Variants in QTMAN observed in about 807,000 individuals in gnomAD.
QTMAN encodes the protein queuosine-tRNA mannosyltransferase.
chr2:144,025,895 T>C, the QTMAN span, among the ~76,000 whole-genome samples: 2 of 152,190 alleles, frequency 1.3e-5, no homozygotes, highest in Non-Finnish European at 2.9e-5. Context: ...AACCGGTCTA[T>C]TGAACAGGTT....
the QTMAN span, among the ~76,000 whole-genome samples, chr2:144,325,476 T>C: frequency 6.8e-6 from 1 of 147,212 alleles, no homozygotes; most frequent in Non-Finnish European, 1.5e-5. Flanking sequence ...AGAATCACAA[T>C]CTCGTAAGCA....
the QTMAN span, among the ~76,000 whole-genome samples, chr2:144,274,044 G>T: frequency 6.6e-6 from 1 of 152,138 alleles, no homozygotes; most frequent in Admixed American, 6.5e-5. Flanking sequence ...TGAGGCAGGA[G>T]AATCGCTTGA....
At chr2:143,942,165 A>G in the QTMAN span, 4 of 167,148 alleles carry the variant, frequency 2.4e-5, no homozygotes. Flanking sequence ...AGAATCACCA[A>G]TTCCTTCTGT....
chr2:144,304,910 T>C, the QTMAN span, among the ~76,000 whole-genome samples: 3 of 152,328 alleles, frequency 2.0e-5, no homozygotes, highest in South Asian at 2.1e-4. Flanking sequence ...CTACTGTCTG[T>C]TGGAAAATTT....
chr2:144,182,187 T>C, the QTMAN span, among the ~76,000 whole-genome samples: 33 of 152,236 alleles, frequency 2.2e-4, no homozygotes, highest in Non-Finnish European at 2.9e-4. Flanking sequence ...CAGACTTAAA[T>C]TGACTACATG....
the QTMAN span, among the ~76,000 whole-genome samples, chr2:143,969,470 T>C: frequency 6.6e-6 from 1 of 152,220 alleles, no homozygotes; most frequent in Non-Finnish European, 1.5e-5. Context: ...GGCTTTGGGG[T>C]ACAATGATGA....
the QTMAN span, among the ~76,000 whole-genome samples, chr2:144,301,321 C>T: frequency 6.6e-6 from 1 of 152,186 alleles, no homozygotes; most frequent in East Asian, 1.9e-4. Flanking sequence ...TTCCCAGATG[C>T]AAGTGATTCT....
chr2:144,271,201 T>C, the QTMAN span, among the ~76,000 whole-genome samples: 2 of 152,242 alleles, frequency 1.3e-5, no homozygotes, highest in East Asian at 3.8e-4. Context: ...AAGTTTGGTC[T>C]ATTCCTCAAA....
chr2:143,994,168 T>C, the QTMAN span, among the ~76,000 whole-genome samples: 1 of 152,120 alleles, frequency 6.6e-6, no homozygotes, highest in Non-Finnish European at 1.5e-5. Flanking sequence ...ATTTTACACA[T>C]CCAGACTACA....
the QTMAN span, among the ~76,000 whole-genome samples, chr2:144,321,293 C>A: frequency 6.6e-6 from 1 of 152,210 alleles, no homozygotes; most frequent in Non-Finnish European, 1.5e-5. Flanking sequence ...GCTTTAACAA[C>A]CCTGTTTCTG....
At chr2:144,104,216 T>A in the QTMAN span, among the ~76,000 whole-genome samples, 1 of 152,088 alleles carries the variant, frequency 6.6e-6, no homozygotes, top group African/African-American at 2.4e-5. Flanking sequence ...CATTTCCAAC[T>A]GAGGTACTGG....
the QTMAN span, among the ~76,000 whole-genome samples, chr2:144,332,765 C>T: frequency 1.3e-5 from 2 of 152,158 alleles, no homozygotes; most frequent in African/African-American, 2.4e-5. Context: ...CCTCGCACTG[C>T]TCCCCACCTC....
chr2:144,062,315 T>G, the QTMAN span, among the ~76,000 whole-genome samples: 152,066 of 152,294 alleles, frequency 1, 75,919 homozygotes, highest in Middle Eastern at 1. Context: ...CCCATCACAA[T>G]ACCCACAAAG....
At chr2:144,028,303 G>C in the QTMAN span, among the ~76,000 whole-genome samples, 306 of 152,302 alleles carry the variant, frequency 2.0e-3, 2 homozygotes, top group African/African-American at 7.1e-3. Flanking sequence ...ACAAAGTTTA[G>C]TGTTGCAAAA....
chr2:144,108,254 G>A, the QTMAN span, among the ~76,000 whole-genome samples: 1 of 152,162 alleles, frequency 6.6e-6, no homozygotes, highest in Non-Finnish European at 1.5e-5. Flanking sequence ...GTTCTGGCCA[G>A]GGCAATCAGG....
At chr2:144,317,394 G>GAAGC in the QTMAN span, 1 of 147,808 alleles carries the variant, frequency 6.8e-6, no homozygotes, top group Admixed American at 6.7e-5. Context: ...TGGAAGGAAG[G>GAAGC]AAGGAAGGAA....
the QTMAN span, among the ~76,000 whole-genome samples, chr2:144,288,867 T>A: frequency 6.6e-6 from 1 of 151,994 alleles, no homozygotes; most frequent in African/African-American, 2.4e-5. Flanking sequence ...CTGGTGCAAC[T>A]ACATACATAC....
chr2:144,260,876 TAA>T, the QTMAN span, among the ~76,000 whole-genome samples: 6 of 151,540 alleles, frequency 4.0e-5, no homozygotes, highest in East Asian at 1.2e-3. Flanking sequence ...ACAGTAGATA[TAA>T]GATTTAAAAA....
At chr2:144,142,605 TGTTAA>T in the QTMAN span, among the ~76,000 whole-genome samples, 6 of 152,018 alleles carry the variant, frequency 3.9e-5, no homozygotes, top group African/African-American at 1.4e-4. Context: ...CAAGAAACTG[TGTTAA>T]GTTTTTAAAA....
Sources: allele counts gnomAD v4.1 joint callset (sites outside exome capture counted in the v4.1 genomes callset), GRCh38; gene constraint gnomAD v4.1.1; transcripts MANE v1.5; gene names NCBI Gene and HGNC (gene_info 2026-07-23, HGNC 2026-07-21).